Variants in DNHD1 observed in about 807,000 individuals in gnomAD.
The protein encoded by DNHD1 is dynein heavy chain domain 1, also known as dynein heavy chain domain-containing protein 1.
A neutral mutation model predicts 458.1 loss-of-function variants in DNHD1; 383 were observed. The ratio of observed to expected loss-of-function variants is 0.84; its 90% CI spans 0.77 to 0.91. DNHD1 has a LOEUF of 0.91. Ranked by LOEUF, DNHD1 falls within the 40% of genes least tolerant of loss-of-function variation. The pLI, the probability that DNHD1 is intolerant of heterozygous loss-of-function variation, is 0.00. For synonymous variants in DNHD1, 2,203 were observed against 2,376.9 expected, an observed-to-expected ratio of 0.93 and a Z score of 2.13; for missense variants, 5,336 against 5,866.1, an observed-to-expected ratio of 0.91 and a Z score of 2.95.
chr11:6,560,182 C>A (rs1467198292), intron 28 of DNHD1, among the ~76,000 whole-genome samples: 3 of 152,130 alleles, frequency 2.0e-5, no homozygotes, highest in African/African-American at 7.2e-5. Flanking sequence ...TCTGGTATAA[C>A]TTCAGAGCAG....
chr11:6,542,359 T>C (rs1028024852), intron 18 of DNHD1, among the ~76,000 whole-genome samples: 1 of 152,340 alleles, frequency 6.6e-6, no homozygotes, highest in East Asian at 1.9e-4. Flanking sequence ...AAATTCGTAA[T>C]ACAAAGTAAA....
intron 3 of DNHD1, among the ~76,000 whole-genome samples, chr11:6,499,678 C>A (rs1852097444): frequency 1.3e-5 from 2 of 151,236 alleles, no homozygotes; most frequent in South Asian, 4.2e-4. Context: ...AGTGATTCTC[C>A]TGCCTCAGCC....
chr11:6,519,705 C>T lies in DNHD1; in HGVS notation c.1498C>T (p.His500Tyr). The T allele has an allele frequency of 6.2e-7, 1 of 1,614,168 alleles. No homozygotes were observed. Among genetic ancestry groups the T allele is most frequent in the Non-Finnish European group, 8.5e-7 (1 of 1,180,016 alleles). ...QGSIYLQRVQHKQLEQKLKQA... is the reference protein window; with the variant it reads ...QGSIYLQRVQYKQLEQKLKQA... ...CTCCATATACCTTCAGAGGGTACAG[C>T]ACAAGCAACTGGAGCAGAAGCTGAA... The change falls in exon 8 of 43, where the codon CAC becomes TAC. Residue 500 changes from histidine (H) to tyrosine (Y), a missense_variant. Physicochemically the swap from His to Tyr is moderately conservative, Grantham distance 83. Coordinates refer to ENST00000254579, the MANE Select transcript of DNHD1 (RefSeq NM_144666.3).
chr11:6,519,637 A>G lies in DNHD1; in HGVS notation c.1430A>G (p.Gln477Arg). Residue 477 changes from glutamine (Q) to arginine (R), a missense_variant, in exon 8 of 43, where the codon CAG becomes CGG. Physicochemically the swap from Gln to Arg is conservative, Grantham distance 43. Around this residue, in one of 4 missense-constraint regions of DNHD1, gnomAD observed 3,932 missense variants for 4,365.6 expected, o/e 0.90. Coordinates refer to ENST00000254579, the MANE Select transcript of DNHD1 (RefSeq NM_144666.3). ...EDTYHMQQCLQERVQNCDRIR... is the reference protein window; with the variant it reads ...EDTYHMQQCLRERVQNCDRIR... ...ACATACCACATGCAACAGTGCCTAC[A>G]GGAGCGAGTACAAAACTGTGACAGG... 1.2e-6 allele frequency: 2 copies of G among 1,614,194 alleles called. No homozygotes were observed. Among genetic ancestry groups the G allele is most frequent in the South Asian group, 1.1e-5 (1 of 91,090 alleles).
chr11:6,543,134 TAG>T (rs1395564144), intron 18 of DNHD1, among the ~76,000 whole-genome samples: 1 of 152,214 alleles, frequency 6.6e-6, no homozygotes, highest in Non-Finnish European at 1.5e-5. Flanking sequence ...CTGTTTTCTC[TAG>T]AGAGTGGAGT....
Position 6,571,409 on chromosome 11 carries a change from C to G in DNHD1, c.13897C>G (p.Pro4633Ala). The change falls in exon 42 of 43, where the codon CCT (proline) becomes GCT (alanine). Residue 4633 changes from proline (P) to alanine (A), a missense_variant. Around this residue, in one of 4 missense-constraint regions of DNHD1, gnomAD observed 698 missense variants for 664.9 expected, o/e 1.05. Transcript: ENST00000254579. The surrounding 1 kb of genome is among the most constrained non-coding windows in gnomAD (Gnocchi z 5.0). Reference protein sequence around the residue: ...QYKRLEMNSNPLHFRVENGPN... With the variant: ...QYKRLEMNSNALHFRVENGPN... ...TAAACGTCTGGAGATGAACAGCAAC[C>G]CTCTGCACTTCAGGGTATCTTCGCG... 4.4e-6 allele frequency: 7 copies of G among 1,600,386 alleles called. No individual in the cohort carries two copies. The highest frequency in any genetic ancestry group is 6.0e-6 in the Non-Finnish European group (7 of 1,170,468).
At chr11:6,558,802 T>G in intron 26 of DNHD1, 100 bp from the exon 27 acceptor site, 1 of 1,503,536 alleles carries the variant, frequency 6.7e-7, no homozygotes, top group African/African-American at 1.4e-5. Flanking sequence ...AGAGCCCCCT[T>G]CACATTTCCT....
chr11:6,526,858 C>T (rs575070275), intron 10 of DNHD1, among the ~76,000 whole-genome samples: 1 of 152,202 alleles, frequency 6.6e-6, no homozygotes, highest in Non-Finnish European at 1.5e-5. Context: ...GTTTTACCTG[C>T]TGTTCTGAAA....
intron 17 of DNHD1, 117 bp from the exon 18 acceptor site, chr11:6,539,759 C>T (rs1039365728): frequency 2.2e-6 from 2 of 915,364 alleles, no homozygotes; most frequent in Non-Finnish European, 3.4e-6. Context: ...CTGAGACCTC[C>T]ACTTTCCTGA....
At chr11:6,527,191 AT>A (rs979782030) in intron 10 of DNHD1, among the ~76,000 whole-genome samples, 1 of 152,008 alleles carries the variant, frequency 6.6e-6, no homozygotes. Context: ...CCCTTCTGGC[AT>A]TTTTTTTAAA....
chr11:6,570,260 CG>C lies in DNHD1; in HGVS notation c.12974del (p.Gly4325ValfsTer12). On this transcript the variant is annotated frameshift_variant, in exon 41 of 43. Coordinates refer to ENST00000254579, the MANE Select transcript of DNHD1 (RefSeq NM_144666.3). LOFTEE classifies it high-confidence loss of function. ...MQELAASVFY[G>X]GPLGDTEDRE... ...CCTCATCTTCAGCTTCAGTTTTCTA[CG>C]GGGGTCCTCTGGGGGACACTGAGGA... The C allele has an allele frequency of 1.2e-6, 2 of 1,613,648 alleles. No individual in the cohort carries two copies. The highest frequency in any genetic ancestry group is 2.2e-5 in the South Asian group (2 of 91,046).
intron 24 of DNHD1, among the ~76,000 whole-genome samples, chr11:6,553,962 A>ATT (rs34067184): frequency 4.6e-5 from 7 of 151,464 alleles, no homozygotes; most frequent in African/African-American, 9.7e-5. Flanking sequence ...ATCTTAACAG[A>ATT]TTTTTTTTTG....
intron 7 of DNHD1, among the ~76,000 whole-genome samples, chr11:6,517,466 A>G (rs542488174): frequency 6.6e-6 from 1 of 152,242 alleles, no homozygotes; most frequent in East Asian, 1.9e-4. Flanking sequence ...AGAAACATCG[A>G]TGTGTCCATC....
intron 30 of DNHD1, 33 bp from the exon 31 acceptor site, chr11:6,563,660 G>C: frequency 6.5e-7 from 1 of 1,543,308 alleles, no homozygotes; most frequent in Non-Finnish European, 8.7e-7. Context: ...AGCATCCGTG[G>C]CTTCCCCATC....
In DNHD1 at chr11:6,498,367, A is replaced by G. The variant is rs749889441; in HGVS notation, c.152A>G (p.Glu51Gly). 1 of 1,614,230 alleles carries G rather than the reference A, an allele frequency of 6.2e-7. No individual in the cohort carries two copies. Among genetic ancestry groups the G allele is most frequent in the East Asian group, 2.2e-5 (1 of 44,886 alleles). ...AGGCAGTTCGTGAAGCCAGTGACTG[A>G]GTCAGAGCAGCCCACAGTGCTGGAA... ...KQRQFVKPVTESEQPTVLELL... is the reference protein window; with the variant it reads ...KQRQFVKPVTGSEQPTVLELL... The change falls in exon 3 of 43, where the codon GAG becomes GGG. Residue 51 changes from glutamate (E) to glycine (G), a missense_variant. By Grantham distance (98) the Glu-to-Gly change is moderately conservative. This residue lies in a region of DNHD1 where 3,932 missense variants were observed against 4,365.6 expected (regional missense o/e 0.90). Transcript: ENST00000254579.
At chr11:6,543,805 C>G (rs938706347) in intron 18 of DNHD1, among the ~76,000 whole-genome samples, 1 of 151,678 alleles carries the variant, frequency 6.6e-6, no homozygotes, top group African/African-American at 2.4e-5. Context: ...ACTAAACATA[C>G]AAAAAATTAG....
rs1468783760 is a variant in DNHD1, at chr11:6,557,454, T to G, written c.8159T>G (p.Phe2720Cys). The G allele has an allele frequency of 5.2e-6, 8 of 1,551,420 alleles. No individual in the cohort carries two copies. Among genetic ancestry groups the G allele is most frequent in the Non-Finnish European group, 7.0e-6 (8 of 1,147,020 alleles). The change falls in exon 25 of 43, where the codon TTC (phenylalanine) becomes TGC (cysteine). Residue 2720 changes from phenylalanine (F) to cysteine (C), a missense_variant. Physicochemically the swap from Phe to Cys is radical, Grantham distance 205. This residue lies in a region of DNHD1 where 3,932 missense variants were observed against 4,365.6 expected (regional missense o/e 0.90). Transcript: ENST00000254579. Reference protein sequence around the residue: ...SEGELAQWEDFSNSNSETEEE... With the variant: ...SEGELAQWEDCSNSNSETEEE... ...GGGGAGTTGGCCCAGTGGGAGGACTTCAGCAACAGCAATAGTGAAACAGAG... is the reference window on the plus strand; with the variant it reads ...GGGGAGTTGGCCCAGTGGGAGGACTGCAGCAACAGCAATAGTGAAACAGAG...
rs766558860 is a variant in DNHD1, at chr11:6,563,889, T to TGCA, written c.10053_10055dup (p.Gln3352dup). On this transcript the variant is annotated inframe_insertion, in exon 31 of 43. Coordinates refer to ENST00000254579, the MANE Select transcript of DNHD1 (RefSeq NM_144666.3). ...CGGGGACTGCCCACGGACCTGCTGC[T>TGCA]GCAGCAAGTGGAGGCAACACTCACT... The TGCA allele has an allele frequency of 8.6e-5, 133 of 1,551,594 alleles. No individual in the cohort carries two copies. The highest frequency in any genetic ancestry group is 3.3e-4 in the Middle Eastern group (2 of 6,014).
Position 6,557,265 on chromosome 11 carries a change from A to G in DNHD1, c.7970A>G (p.Asp2657Gly). Residue 2657 changes from aspartate to glycine, a missense_variant, in exon 25 of 43, where the codon GAC becomes GGC. This residue lies in a region of DNHD1 where 3,932 missense variants were observed against 4,365.6 expected (regional missense o/e 0.90). Transcript: ENST00000254579. ...WLHEAQRTFC[D>G]RLDSPRERSY... Reference sequence around the variant, plus strand: ...CATGAGGCACAGAGAACCTTTTGCGACCGGCTGGACAGCCCCAGGGAACGC... The same window carrying G: ...CATGAGGCACAGAGAACCTTTTGCGGCCGGCTGGACAGCCCCAGGGAACGC... 6.4e-7 allele frequency: 1 copy of G among 1,551,548 alleles called. No homozygotes were observed.
Sources: allele counts gnomAD v4.1 joint callset (sites outside exome capture counted in the v4.1 genomes callset), GRCh38; gene constraint gnomAD v4.1.1; regional missense constraint gnomAD v4.1.1; non-coding constraint Gnocchi (gnomAD v3.1); transcripts MANE v1.5; gene names NCBI Gene and HGNC (gene_info 2026-07-23, HGNC 2026-07-21).